IGSF10: variants seen among roughly 807,000 people sequenced by gnomAD.
IGSF10 encodes the protein immunoglobulin superfamily member 10, also known as calvaria mechanical force protein 608.
In IGSF10, 126 loss-of-function variants were observed where a neutral mutation model predicts 128.2. The ratio of observed to expected loss-of-function variants is 0.98; its 90% CI spans 0.85 to 1.14. The LOEUF is 1.14. Ranked by LOEUF, IGSF10 falls within the 50% of genes most tolerant of loss-of-function variation. The probability of loss-of-function intolerance (pLI) is 0.00; values close to 1 mark genes in which losing one functional copy is unlikely to be tolerated. For missense variants in IGSF10, 3,295 were observed against 3,149.8 expected, an observed-to-expected ratio of 1.05 and a Z score of -1.10; for synonymous variants, 1,185 against 1,146.2, an observed-to-expected ratio of 1.03 and a Z score of -0.68.
chr3:151,432,746 C>T (rs758337755), downstream of IGSF10: 1 of 1,611,910 alleles, frequency 6.2e-7, no homozygotes, highest in East Asian at 2.2e-5. Flanking sequence ...TTATTTTTCT[C>T]CTTAGGCAAC....
chr3:151,543,162 A>C, the IGSF10 span, among the ~76,000 whole-genome samples: 1 of 152,178 alleles, frequency 6.6e-6, no homozygotes, highest in Non-Finnish European at 1.5e-5. Context: ...GACTAAGTCC[A>C]TGATTATCAT....
At chr3:151,480,956 C>T in the IGSF10 span, among the ~76,000 whole-genome samples, 1 of 152,130 alleles carries the variant, frequency 6.6e-6, no homozygotes, top group Admixed American at 6.5e-5. Context: ...TACCCTGTCC[C>T]CCAGGGACCT....
chr3:151,545,237 C>T, the IGSF10 span, among the ~76,000 whole-genome samples: 1 of 152,054 alleles, frequency 6.6e-6, no homozygotes, highest in African/African-American at 2.4e-5. Context: ...TCTCAAACAC[C>T]TGGCAATGCT....
chr3:151,439,538 C>G (rs931021548), intron 7 of IGSF10, among the ~76,000 whole-genome samples: 2 of 151,564 alleles, frequency 1.3e-5, no homozygotes, highest in African/African-American at 4.9e-5. Context: ...CGCTTGAACC[C>G]AGGAGGCTGG....
the IGSF10 span, among the ~76,000 whole-genome samples, chr3:151,614,672 G>A: frequency 6.6e-6 from 1 of 152,052 alleles, no homozygotes; most frequent in Non-Finnish European, 1.5e-5. Context: ...GGACTGTTGT[G>A]GGGTGGGGAG....
chr3:151,451,860 A>C (rs1002494928), intron 5 of IGSF10, among the ~76,000 whole-genome samples: 4 of 152,260 alleles, frequency 2.6e-5, no homozygotes, highest in Non-Finnish European at 5.9e-5. Context: ...CATGAAATGA[A>C]TGCTCATTAG....
chr3:151,589,504 A>G, the IGSF10 span, among the ~76,000 whole-genome samples: 2 of 152,204 alleles, frequency 1.3e-5, no homozygotes, highest in Admixed American at 6.5e-5. Context: ...TTTGGAAGTG[A>G]GAGAAACTCT....
chr3:151,521,773 T>A, the IGSF10 span, among the ~76,000 whole-genome samples: 5 of 152,006 alleles, frequency 3.3e-5, no homozygotes, highest in South Asian at 1.0e-3. Context: ...AGATCTCAAA[T>A]TAACAATCTA....
Position 151,447,054 on chromosome 3 carries a change from A to G in IGSF10, c.2927T>C (p.Ile976Thr). Residue 976 changes from isoleucine (I) to threonine (T), a missense_variant, in exon 6 of 8, where the codon ATA becomes ACA. Coordinates refer to ENST00000282466, the MANE Select transcript of IGSF10 (RefSeq NM_178822.5). ...TGAAGGGAACGTGGAGGTGCTAAGT[A>G]TTTGAGTAGTGTGAGAATAGAAGTG... ...HNHFYSHTTQ[I>T]LSTSTFPSDP... The G allele has an allele frequency of 6.2e-7, 1 of 1,614,112 alleles. No individual in the cohort carries two copies.
the IGSF10 span, among the ~76,000 whole-genome samples, chr3:151,589,196 G>T: frequency 6.6e-6 from 1 of 152,130 alleles, no homozygotes; most frequent in Non-Finnish European, 1.5e-5. Flanking sequence ...AGCCTTGTTA[G>T]CTTGTTAGCT....
chr3:151,615,412 A>G, the IGSF10 span, among the ~76,000 whole-genome samples: 22,943 of 152,126 alleles, frequency 0.15, 2,184 homozygotes, highest in African/African-American at 0.27. Context: ...AAAAGCTAGT[A>G]CCTAAAAAGA....
the IGSF10 span, among the ~76,000 whole-genome samples, chr3:151,534,719 G>A: frequency 6.6e-6 from 1 of 151,842 alleles, no homozygotes; most frequent in Non-Finnish European, 1.5e-5. Context: ...CGGGTCAATG[G>A]GTACAGCAAG....
At chr3:151,523,389 G>C in the IGSF10 span, among the ~76,000 whole-genome samples, 1 of 152,094 alleles carries the variant, frequency 6.6e-6, no homozygotes, top group African/African-American at 2.4e-5. Flanking sequence ...ACAGAAGCTG[G>C]AGACATAACG....
rs1720863587 is a variant in IGSF10, at chr3:151,441,800, G to GC, written c.5963+1183dup. On this transcript the variant is annotated intron_variant, in intron 7 of 7. Coordinates refer to ENST00000282466, the MANE Select transcript of IGSF10 (RefSeq NM_178822.5). Reference sequence around the variant, plus strand: ...ATTGAGGCCAGGCACGGTGGCTCATGCCTGTAATCCCAGCACTTTGGGAGG... The same window carrying GC: ...ATTGAGGCCAGGCACGGTGGCTCATGCCCTGTAATCCCAGCACTTTGGGAGG... Among the ~76,000 whole-genome samples, 3 of 152,218 alleles carry GC rather than the reference G, an allele frequency of 2.0e-5. No homozygotes were observed. In the South Asian group the frequency reaches 6.2e-4, roughly 32 times the overall value.
At position 151,445,495 on chromosome 3, in the gene IGSF10, C is replaced by T. The variant is rs180810893; in HGVS notation, c.4486G>A (p.Gly1496Arg). ...VTDNVATPIS[G>R]LMTNTVVKLH... ...TTGACCACTGTATTTGTCATAAGCC[C>T]GGAAATGGGAGTCGCCACGTTGTCA... Residue 1496 changes from glycine to arginine, a missense_variant, in exon 6 of 8, where the codon GGG becomes AGG. By Grantham distance (125) the Gly-to-Arg change is moderately radical. Coordinates refer to ENST00000282466, the MANE Select transcript of IGSF10 (RefSeq NM_178822.5). The T allele has an allele frequency of 2.3e-5, 37 of 1,614,026 alleles. 1 individual carries two copies. The highest frequency in any genetic ancestry group is 1.1e-4 in the African/African-American group (8 of 74,958).
In IGSF10 at chr3:151,450,769, G is replaced by A. The variant is rs185381007; in HGVS notation, c.716-1504C>T. 2.3e-4 allele frequency among the ~76,000 whole-genome samples: 35 copies of A among 151,922 alleles called. No homozygotes were observed. In the East Asian group the frequency reaches 6.2e-3, roughly 27 times the overall value. On this transcript the variant is annotated intron_variant, in intron 5 of 7. Coordinates refer to ENST00000282466, the MANE Select transcript of IGSF10 (RefSeq NM_178822.5). ...AAATTAGCCAGGCATGGTGGCACAT[G>A]TCTATAATCCCAGCTGCTCGGGAGG...
chr3:151,459,896 G>C (rs1025707740), intron 2 of IGSF10, among the ~76,000 whole-genome samples: 4 of 152,138 alleles, frequency 2.6e-5, no homozygotes, highest in African/African-American at 9.7e-5. Flanking sequence ...TAACACTGGG[G>C]CTGAACTGCT....
chr3:151,474,022 T>C, the IGSF10 span, among the ~76,000 whole-genome samples: 1 of 152,102 alleles, frequency 6.6e-6, no homozygotes, highest in Non-Finnish European at 1.5e-5. Context: ...TTGTATGGAA[T>C]TTAAAGCTAA....
upstream of IGSF10, among the ~76,000 whole-genome samples, chr3:151,461,673 C>T (rs1722065831): frequency 6.6e-6 from 1 of 152,156 alleles, no homozygotes; most frequent in African/African-American, 2.4e-5. Flanking sequence ...AGTCCTCTTG[C>T]ACATTAGATC....
Sources: allele counts gnomAD v4.1 joint callset (sites outside exome capture counted in the v4.1 genomes callset), GRCh38; gene constraint gnomAD v4.1.1; transcripts MANE v1.5; gene names NCBI Gene and HGNC (gene_info 2026-07-23, HGNC 2026-07-21).